CTNNA2: variants seen among roughly 807,000 people sequenced by gnomAD.
CTNNA2 encodes catenin alpha 2.
A neutral mutation model predicts 101.0 loss-of-function variants in CTNNA2; 42 were observed. That is an observed-to-expected ratio of 0.42 (90% CI 0.32 to 0.54). The LOEUF (loss-of-function observed/expected upper bound fraction) is 0.54, where lower values mean the gene tolerates loss of function less well. CTNNA2 is among the 20% of genes least tolerant of loss of function. The pLI, the probability that CTNNA2 is intolerant of heterozygous loss-of-function variation, is 0.14. For synonymous variants in CTNNA2, 450 were observed against 456.4 expected, an observed-to-expected ratio of 0.99 and a Z score of 0.18; for missense variants, 871 against 1,223.1, an observed-to-expected ratio of 0.71 and a Z score of 4.29.
rs202060307 is a variant in CTNNA2, at chr2:79,281,192, GCC to G, written c.-405-31515_-405-31514del. Among the ~76,000 whole-genome samples the G allele has an allele frequency of 5.2e-3, 788 of 152,180 alleles. 22 individuals carry two copies. The highest frequency in any genetic ancestry group is 0.046 in the Admixed American group (704 of 15,276). Reference sequence around the variant, plus strand: ...GTCTTGGTGGGACTATCAGTCAGATGCCCTGTATGTCATGGTCCAAGGGTGGC... The same window carrying G: ...GTCTTGGTGGGACTATCAGTCAGATGCTGTATGTCATGGTCCAAGGGTGGC... On this transcript the variant is annotated intron_variant, in intron 2 of 21. Coordinates refer to the CTNNA2 transcript ENST00000466387.
intron 7 of CTNNA2, among the ~76,000 whole-genome samples, chr2:80,071,581 G>A (rs1484465): frequency 0.84 from 128,214 of 152,210 alleles, 54,696 homozygotes; most frequent in African/African-American, 0.93. Flanking sequence ...CACTTGATGT[G>A]TGGTTGGAGG....
Position 79,999,875 on chromosome 2 carries a change from GTC to G in CTNNA2, c.1056+90079_1056+90080del, listed in dbSNP as rs1345839496. On this transcript the variant is annotated intron_variant, in intron 7 of 18. Coordinates refer to ENST00000402739, the MANE Select transcript of CTNNA2 (RefSeq NM_001282597.3). The stretch of plus-strand genomic sequence containing the variant: ...AGAGAAGAGCCACAGGACACTTTTA[GTC>G]ACTTACTGACGTGTTCATGGTTGTT... 4.6e-5 allele frequency among the ~76,000 whole-genome samples: 7 copies of G among 152,246 alleles called. No individual in the cohort carries two copies. The East Asian group carries it at 1.4e-3, about 29-fold the overall frequency.
intron 7 of CTNNA2, among the ~76,000 whole-genome samples, chr2:80,270,628 G>C (rs1484894458): frequency 1.3e-5 from 2 of 152,064 alleles, no homozygotes; most frequent in Non-Finnish European, 1.5e-5. Context: ...TCAAATCACT[G>C]TTTCTGAGTC....
At chr2:79,600,949 A>G (rs1677514971) in intron 1 of CTNNA2, among the ~76,000 whole-genome samples, 1 of 152,114 alleles carries the variant, frequency 6.6e-6, no homozygotes, top group African/African-American at 2.4e-5. Flanking sequence ...CTCAAAGGCC[A>G]CACCTCCTAA....
At chr2:79,218,599 T>C (rs937892624) in intron 2 of CTNNA2, among the ~76,000 whole-genome samples, 4 of 152,136 alleles carry the variant, frequency 2.6e-5, no homozygotes, top group African/African-American at 9.7e-5. Flanking sequence ...TGTTGCCAGT[T>C]TGCTTCCTAA....
intron 3 of CTNNA2, among the ~76,000 whole-genome samples, chr2:79,843,509 G>C (rs946036414): frequency 1.3e-5 from 2 of 152,214 alleles, no homozygotes; most frequent in Admixed American, 6.5e-5. Flanking sequence ...AGTATGTCAC[G>C]ATGCCTACTT....
intron 7 of CTNNA2, among the ~76,000 whole-genome samples, chr2:80,120,706 A>C (rs1701781826): frequency 6.6e-6 from 1 of 152,198 alleles, no homozygotes; most frequent in African/African-American, 2.4e-5. Flanking sequence ...TATTGGCCAC[A>C]AATCATGATG....
intron 9 of CTNNA2, among the ~76,000 whole-genome samples, chr2:80,421,165 A>AG (rs1328823050): frequency 6.6e-6 from 1 of 152,172 alleles, no homozygotes; most frequent in Non-Finnish European, 1.5e-5. Context: ...AGGAAAAAAA[A>AG]ATAATGCTGA....
rs190164431 is a variant in CTNNA2, at chr2:79,610,791, G to T, written c.-5-40761G>T. The stretch of plus-strand genomic sequence containing the variant: ...GGTAGTGTGCATTATCTTGTTTGCG[G>T]TTTTTTCTGATTTCTCATGTTCCGC... On this transcript the variant is annotated intron_variant, in intron 1 of 18. Coordinates refer to ENST00000402739, the MANE Select transcript of CTNNA2 (RefSeq NM_001282597.3). Among the ~76,000 whole-genome samples, 20 of 152,198 alleles carry T rather than the reference G, an allele frequency of 1.3e-4. No individual in the cohort carries two copies. In the South Asian group the frequency reaches 3.1e-3, roughly 24 times the overall value.
At chr2:79,426,875 C>T (rs1404537779) in intron 4 of CTNNA2, among the ~76,000 whole-genome samples, 1 of 152,062 alleles carries the variant, frequency 6.6e-6, no homozygotes, top group Non-Finnish European at 1.5e-5. Flanking sequence ...GATAAATAGA[C>T]AAGATTCTGC....
At chr2:79,775,225 G>T (rs1299935907) in intron 3 of CTNNA2, among the ~76,000 whole-genome samples, 3 of 152,168 alleles carry the variant, frequency 2.0e-5, no homozygotes, top group African/African-American at 7.2e-5. Context: ...TAAAAATTCT[G>T]CAGTTTTGTG....
intron 1 of CTNNA2, among the ~76,000 whole-genome samples, chr2:79,564,383 T>C (rs1322383823): frequency 6.6e-6 from 1 of 151,998 alleles, no homozygotes; most frequent in Non-Finnish European, 1.5e-5. Context: ...TATAACTGCG[T>C]ATTAGTGGAA....
rs556808320 is a variant in CTNNA2, at chr2:80,576,029, C to T, written c.1893+1715C>T. Among the ~76,000 whole-genome samples the T allele has an allele frequency of 2.0e-5, 3 of 152,252 alleles. No individual in the cohort carries two copies. In the East Asian group the frequency reaches 5.8e-4, roughly 29 times the overall value. On this transcript the variant is annotated intron_variant, in intron 13 of 18. Coordinates refer to ENST00000402739, the MANE Select transcript of CTNNA2 (RefSeq NM_001282597.3). ...TTCTTTCTGAATGTAATGATTGAGTCTACTTTAAAAAATCCCTTGTGCTAA... is the reference window on the plus strand; with the variant it reads ...TTCTTTCTGAATGTAATGATTGAGTTTACTTTAAAAAATCCCTTGTGCTAA...
At chr2:79,270,932 T>G (rs1675067179) in intron 2 of CTNNA2, among the ~76,000 whole-genome samples, 1 of 151,794 alleles carries the variant, frequency 6.6e-6, no homozygotes, top group Non-Finnish European at 1.5e-5. Flanking sequence ...AACTAGGGAT[T>G]TAAAAAAAAA....
At chr2:80,282,486 A>C (rs1210886691) in intron 7 of CTNNA2, among the ~76,000 whole-genome samples, 4 of 152,118 alleles carry the variant, frequency 2.6e-5, no homozygotes, top group Admixed American at 6.6e-5. Context: ...TTCAAATTTA[A>C]ACAGAAGTAG....
intron 7 of CTNNA2, among the ~76,000 whole-genome samples, chr2:80,280,192 A>C (rs537363872): frequency 6.7e-6 from 1 of 149,668 alleles, no homozygotes; most frequent in Non-Finnish European, 1.5e-5. Context: ...ATGAATTATT[A>C]TTATTGGCAC....
rs185153115 is a variant in CTNNA2 at position 79,942,129 on chromosome 2, T to C, written c.1056+32332T>C. Among the ~76,000 whole-genome samples the C allele has an allele frequency of 2.5e-3, 384 of 152,262 alleles. 2 individuals are homozygous for C. The highest frequency in any genetic ancestry group is 8.8e-3 in the African/African-American group (366 of 41,534). On this transcript the variant is annotated intron_variant, in intron 7 of 18. Coordinates refer to ENST00000402739, the MANE Select transcript of CTNNA2 (RefSeq NM_001282597.3). The stretch of plus-strand genomic sequence containing the variant: ...ACCCCAACAGGATGGGGAGAAACCA[T>C]TATTAATCAAATCTTACAGGTGAGG...
chr2:80,646,174 A>G (rs1282240365), intron 18 of CTNNA2, among the ~76,000 whole-genome samples: 2 of 152,138 alleles, frequency 1.3e-5, no homozygotes, highest in African/African-American at 4.8e-5. Flanking sequence ...TAAGATCTAC[A>G]GTCTCTCAGT....
intron 7 of CTNNA2, among the ~76,000 whole-genome samples, chr2:80,215,811 C>T (rs898735112): frequency 1.3e-5 from 2 of 152,212 alleles, no homozygotes; most frequent in Admixed American, 6.5e-5. Flanking sequence ...ACATTTAAGT[C>T]TGCAGAAGTT....
Sources: allele counts gnomAD v4.1 joint callset (sites outside exome capture counted in the v4.1 genomes callset), GRCh38; gene constraint gnomAD v4.1.1; transcripts MANE v1.5; gene names NCBI Gene and HGNC (gene_info 2026-07-23, HGNC 2026-07-21).